KCND2: variants seen among roughly 807,000 people sequenced by gnomAD.
KCND2 encodes the protein A-type voltage-gated potassium channel KCND2.
KCND2 carries 16 observed loss-of-function variants against 54.4 expected under a neutral mutation model. That is an observed-to-expected ratio of 0.29 (90% CI 0.20 to 0.45). The LOEUF (loss-of-function observed/expected upper bound fraction) is 0.45, where lower values mean the gene tolerates loss of function less well. KCND2 is among the 20% of genes least tolerant of loss of function. KCND2 has a pLI of 1.00. For synonymous variants in KCND2, 317 were observed against 310.7 expected (o/e 1.02, Z -0.21); for missense variants, 486 against 824.2 (o/e 0.59, Z 5.02).
intron 1 of KCND2, among the ~76,000 whole-genome samples, chr7:120,470,254 CAAAGT>C (rs984408982): frequency 1.3e-5 from 2 of 152,022 alleles, no homozygotes; most frequent in African/African-American, 4.8e-5. Context: ...TGTAACTAAT[CAAAGT>C]AAAGAGAGAA....
intron 1 of KCND2, among the ~76,000 whole-genome samples, chr7:120,390,084 A>G (rs1345398018): frequency 1.3e-5 from 2 of 151,952 alleles, no homozygotes; most frequent in Admixed American, 6.6e-5. Flanking sequence ...AATTCCTTGA[A>G]TTAAATACTC....
intron 1 of KCND2, among the ~76,000 whole-genome samples, chr7:120,534,719 C>T (rs956478486): frequency 6.6e-6 from 1 of 151,974 alleles, no homozygotes; most frequent in Non-Finnish European, 1.5e-5. Context: ...GAGGTACATA[C>T]GAACTCTCTG....
intron 1 of KCND2, among the ~76,000 whole-genome samples, chr7:120,610,919 C>T (rs1792946228): frequency 6.6e-6 from 1 of 152,164 alleles, no homozygotes. Context: ...TCTTCACCCA[C>T]TTGGCTATTC....
At chr7:120,355,423 TGTA>T (rs1363266697) in intron 1 of KCND2, among the ~76,000 whole-genome samples, 1 of 152,090 alleles carries the variant, frequency 6.6e-6, no homozygotes, top group African/African-American at 2.4e-5. Context: ...GGTGTGTGCC[TGTA>T]GTCTCAGCCA....
At chr7:120,483,958 G>A (rs942724582) in intron 1 of KCND2, among the ~76,000 whole-genome samples, 1 of 152,090 alleles carries the variant, frequency 6.6e-6, no homozygotes, top group South Asian at 2.1e-4. Context: ...ATTAGTATTA[G>A]CCTGTAGAAA....
At chr7:120,606,486 C>G (rs1792883716) in intron 1 of KCND2, among the ~76,000 whole-genome samples, 1 of 151,808 alleles carries the variant, frequency 6.6e-6, no homozygotes, top group African/African-American at 2.4e-5. Flanking sequence ...CCTATATTTT[C>G]TTCTATGACT....
At chr7:120,618,104 C>T (rs1793051594) in intron 1 of KCND2, among the ~76,000 whole-genome samples, 1 of 152,086 alleles carries the variant, frequency 6.6e-6, no homozygotes, top group Non-Finnish European at 1.5e-5. Context: ...ACACCAAACC[C>T]CAGTGACACG....
chr7:120,622,711 TCTCTCACACA>T lies in KCND2; in HGVS notation c.1116-110190_1116-110181del, dbSNP rs1378259398. On this transcript the variant is annotated intron_variant, in intron 1 of 5. Coordinates refer to ENST00000331113, the MANE Select transcript of KCND2 (RefSeq NM_012281.3). ...CACACTCTCTCTCTCTCTCTCTCTC[TCTCTCACACA>T]CACACACACACACACAAACACATGC... 5.3e-3 allele frequency among the ~76,000 whole-genome samples: 715 copies of T among 134,008 alleles called. 5 individuals carry two copies. The highest frequency in any genetic ancestry group is 0.016 in the African/African-American group (605 of 36,796). The allele number at this position is 134,008 out of a possible 152,430, so 87.9% of individuals were successfully genotyped here. A position where few individuals can be genotyped will look rare whatever the true frequency, so the allele number is the denominator to read the frequency against.
At position 120,357,433 on chromosome 7, in the gene KCND2, C is replaced by T. The variant is rs937652465; in HGVS notation, c.1115+81686C>T. On this transcript the variant is annotated intron_variant, in intron 1 of 5. Transcript: ENST00000331113. ...CTATCCCATCAGTAGTTTAAATCTT[C>T]CTAAAGAATACTTTCGTCTATAAGA... 9.2e-5 allele frequency among the ~76,000 whole-genome samples: 14 copies of T among 152,004 alleles called. No homozygotes were observed. In the South Asian group the frequency reaches 1.0e-3, roughly 11 times the overall value.
At chr7:120,442,156 C>T (rs2116196255) in intron 1 of KCND2, among the ~76,000 whole-genome samples, 1 of 152,162 alleles carries the variant, frequency 6.6e-6, no homozygotes, top group South Asian at 2.1e-4. Context: ...CAAATAGAAT[C>T]CCCCACGAAC....
intron 1 of KCND2, among the ~76,000 whole-genome samples, chr7:120,469,671 G>C (rs1802425735): frequency 6.6e-6 from 1 of 152,104 alleles, no homozygotes; most frequent in Non-Finnish European, 1.5e-5. Flanking sequence ...AACCAAATTA[G>C]CAGCCCTGGA....
intron 1 of KCND2, among the ~76,000 whole-genome samples, chr7:120,422,113 G>A (rs182643843): frequency 6.6e-6 from 1 of 152,302 alleles, no homozygotes; most frequent in Admixed American, 6.5e-5. Context: ...CCTGACATAT[G>A]TAGCAGGGTT....
rs187091413 is a variant in KCND2 at position 120,678,225 on chromosome 7, G to A, written c.1116-54678G>A. On this transcript the variant is annotated intron_variant, in intron 1 of 5. Coordinates refer to ENST00000331113, the MANE Select transcript of KCND2 (RefSeq NM_012281.3). The stretch of plus-strand genomic sequence containing the variant: ...AAGAACATCGCTTACATTTATACTA[G>A]CATCTAAATAAGCATGGTGCATTCC... 4.7e-3 allele frequency among the ~76,000 whole-genome samples: 711 copies of A among 151,412 alleles called. 2 individuals are homozygous for A. The highest frequency in any genetic ancestry group is 0.014 in the Middle Eastern group (4 of 294).
At chr7:120,584,341 C>T (rs1192639468) in intron 1 of KCND2, among the ~76,000 whole-genome samples, 2 of 152,176 alleles carry the variant, frequency 1.3e-5, no homozygotes, top group African/African-American at 4.8e-5. Context: ...GTCTCACATT[C>T]AGGTGGCTCT....
At chr7:120,441,818 C>T (rs1801948850) in intron 1 of KCND2, among the ~76,000 whole-genome samples, 1 of 151,978 alleles carries the variant, frequency 6.6e-6, no homozygotes, top group African/African-American at 2.4e-5. Flanking sequence ...ATGGTTATGC[C>T]ACACTCTGCC....
chr7:120,372,191 A>T (rs1800774277), intron 1 of KCND2, among the ~76,000 whole-genome samples: 1 of 151,850 alleles, frequency 6.6e-6, no homozygotes, highest in African/African-American at 2.4e-5. Context: ...TAATTTGATG[A>T]TACTCTTATA....
At chr7:120,613,062 A>G (rs1163989712) in intron 1 of KCND2, among the ~76,000 whole-genome samples, 1 of 148,550 alleles carries the variant, frequency 6.7e-6, no homozygotes, top group African/African-American at 2.5e-5. Flanking sequence ...TTTGTGTAGT[A>G]GCAAACTGGA....
chr7:120,463,946 G>A (rs1345070154), intron 1 of KCND2: 2 of 450,776 alleles, frequency 4.4e-6, no homozygotes, highest in Non-Finnish European at 5.8e-6. Context: ...TAGATAGATC[G>A]ACAGATGGAT....
chr7:120,486,100 G>T (rs183581853), intron 1 of KCND2, among the ~76,000 whole-genome samples: 1 of 152,136 alleles, frequency 6.6e-6, no homozygotes, highest in Non-Finnish European at 1.5e-5. Context: ...TCTTTGGTGG[G>T]CACAACCCTT....
Sources: allele counts gnomAD v4.1 joint callset (sites outside exome capture counted in the v4.1 genomes callset), GRCh38; gene constraint gnomAD v4.1.1; transcripts MANE v1.5; gene names NCBI Gene and HGNC (gene_info 2026-07-23, HGNC 2026-07-21).